SNTG1: variants seen among roughly 807,000 people sequenced by gnomAD.
SNTG1 encodes gamma-1-syntrophin.
Under a neutral mutation model 74.7 loss-of-function variants are expected in SNTG1, and 39 were observed. That is an observed-to-expected ratio of 0.52 (90% CI 0.40 to 0.68). The LOEUF is 0.68. SNTG1 is among the 30% of genes least tolerant of loss of function. The pLI is 0.00. For missense variants in SNTG1, 685 were observed against 609.5 expected, an observed-to-expected ratio of 1.12 and a Z score of -1.30; for synonymous variants, 254 against 217.1, an observed-to-expected ratio of 1.17 and a Z score of -1.49.
chr8:50,080,688 T>A (rs1040716701), intron 1 of SNTG1, among the ~76,000 whole-genome samples: 9 of 152,182 alleles, frequency 5.9e-5, no homozygotes, highest in Non-Finnish European at 1.5e-5. Context: ...TTTTAAACTT[T>A]TTGGGTTACA....
chr8:50,088,892 T>C (rs948998489), intron 1 of SNTG1, among the ~76,000 whole-genome samples: 12 of 149,316 alleles, frequency 8.0e-5, no homozygotes, highest in African/African-American at 2.2e-4. Context: ...CTTCACAGAA[T>C]TGGAAAAAAC....
chr8:50,408,048 C>CCA (rs1177985532), intron 4 of SNTG1, among the ~76,000 whole-genome samples: 2 of 152,150 alleles, frequency 1.3e-5, no homozygotes, highest in Admixed American at 6.6e-5. Flanking sequence ...AATCTTCAGA[C>CCA]CACTGGCTAT....
Position 50,718,246 on chromosome 8 carries a change from C to T in SNTG1, c.1284+9268C>T, listed in dbSNP as rs1035049634. Among the ~76,000 whole-genome samples the T allele has an allele frequency of 2.0e-5, 3 of 152,120 alleles. No individual in the cohort carries two copies. The South Asian group carries it at 6.2e-4, about 32-fold the overall frequency. ...CAAGTGTGAAATCCCTGAGACTTGA[C>T]AGAACACTGACAGAGGAGGAGGAAA... On this transcript the variant is annotated intron_variant, in intron 17 of 18. Coordinates refer to ENST00000642720, the MANE Select transcript of SNTG1 (RefSeq NM_018967.5).
At chr8:50,063,799 C>T (rs1178477323) in intron 1 of SNTG1, among the ~76,000 whole-genome samples, 1 of 151,876 alleles carries the variant, frequency 6.6e-6, no homozygotes, top group African/African-American at 2.4e-5. Context: ...TTAACTTTCA[C>T]AAAGTAAAGG....
intron 8 of SNTG1, among the ~76,000 whole-genome samples, chr8:50,452,952 T>TA (rs1158832452): frequency 6.6e-6 from 1 of 152,214 alleles, no homozygotes. Flanking sequence ...CATGCTGATG[T>TA]ACCACATTTC....
At chr8:50,596,280 C>A (rs2094726550) in intron 13 of SNTG1, among the ~76,000 whole-genome samples, 1 of 151,908 alleles carries the variant, frequency 6.6e-6, no homozygotes, top group African/African-American at 2.4e-5. Context: ...AAATGTTGCC[C>A]AAGGACAGAA....
chr8:50,669,755 C>A (rs1424464041), intron 15 of SNTG1, among the ~76,000 whole-genome samples: 8 of 152,132 alleles, frequency 5.3e-5, no homozygotes, highest in Non-Finnish European at 1.5e-5. Context: ...GAATTTTAGA[C>A]TAATATCCTT....
At position 50,199,086 on chromosome 8, in the gene SNTG1, C is replaced by T. The variant is rs185398354; in HGVS notation, c.-28+26451C>T. Among the ~76,000 whole-genome samples the T allele has an allele frequency of 1.4e-3, 206 of 152,076 alleles. No homozygotes were observed. In the Middle Eastern group the frequency reaches 0.021, roughly 15 times the overall value. Reference sequence around the variant, plus strand: ...TGGAATGCATTCTCTGGGATGAAGACGGTGGAAGATAGTTTCTTCTATTCT... The same window carrying T: ...TGGAATGCATTCTCTGGGATGAAGATGGTGGAAGATAGTTTCTTCTATTCT... On this transcript the variant is annotated intron_variant, in intron 2 of 18. Coordinates refer to ENST00000642720, the MANE Select transcript of SNTG1 (RefSeq NM_018967.5).
intron 1 of SNTG1, among the ~76,000 whole-genome samples, chr8:50,051,271 A>C (rs77080028): frequency 1.3e-3 from 90 of 68,190 alleles, no homozygotes; most frequent in South Asian, 6.3e-3. Flanking sequence ...CACACACACA[A>C]ACAAACAAGA....
At chr8:50,135,610 T>A (rs944416648) in intron 1 of SNTG1, among the ~76,000 whole-genome samples, 1 of 152,110 alleles carries the variant, frequency 6.6e-6, no homozygotes, top group Non-Finnish European at 1.5e-5. Context: ...TTCATGATTT[T>A]GGGGGACTTT....
chr8:50,573,567 G>A (rs139032214), intron 12 of SNTG1, among the ~76,000 whole-genome samples: 22 of 151,812 alleles, frequency 1.4e-4, no homozygotes, highest in Admixed American at 3.9e-4. Flanking sequence ...AATGTTGTCC[G>A]TAATATCTAA....
chr8:50,750,750 G>A (rs571817979), intron 17 of SNTG1, among the ~76,000 whole-genome samples: 4 of 152,026 alleles, frequency 2.6e-5, no homozygotes, highest in African/African-American at 9.6e-5. Context: ...TAGGCTTAAT[G>A]TCATTGTACA....
At chr8:50,567,747 A>G (rs566201382) in intron 12 of SNTG1, among the ~76,000 whole-genome samples, 1 of 152,278 alleles carries the variant, frequency 6.6e-6, no homozygotes, top group Non-Finnish European at 1.5e-5. Flanking sequence ...GTACATTTTA[A>G]TGGGGTACAT....
At chr8:50,380,604 A>G (rs1019611516) in intron 2 of SNTG1, among the ~76,000 whole-genome samples, 3 of 152,214 alleles carry the variant, frequency 2.0e-5, no homozygotes, top group African/African-American at 4.8e-5. Context: ...TCTGTTTTAC[A>G]TAACTACTTA....
At chr8:50,552,759 A>G (rs2094434448) in intron 11 of SNTG1, among the ~76,000 whole-genome samples, 1 of 152,184 alleles carries the variant, frequency 6.6e-6, no homozygotes, top group Non-Finnish European at 1.5e-5. Context: ...TGCATCTAAA[A>G]TTTCTTAGAT....
intron 2 of SNTG1, among the ~76,000 whole-genome samples, chr8:50,297,998 C>T (rs1415250987): frequency 6.8e-6 from 1 of 146,784 alleles, no homozygotes; most frequent in African/African-American, 2.5e-5. Context: ...AGGAAGAAGA[C>T]AGAAACACAT....
intron 15 of SNTG1, among the ~76,000 whole-genome samples, chr8:50,664,760 G>A (rs893700894): frequency 2.0e-5 from 3 of 152,114 alleles, no homozygotes; most frequent in South Asian, 2.1e-4. Context: ...AAGATCGGAC[G>A]TAACTGCATG....
intron 1 of SNTG1, among the ~76,000 whole-genome samples, chr8:50,097,700 A>G (rs1223112718): frequency 1.3e-5 from 2 of 152,254 alleles, no homozygotes; most frequent in Non-Finnish European, 1.5e-5. Context: ...AGTATAGTGT[A>G]TACTTTATGT....
At chr8:49,940,549 C>G (rs531192643) in intron 1 of SNTG1, among the ~76,000 whole-genome samples, 3 of 152,232 alleles carry the variant, frequency 2.0e-5, no homozygotes, top group African/African-American at 7.2e-5. Context: ...ACTTTCATAA[C>G]ATTTGGCTTC....
Sources: allele counts gnomAD v4.1 joint callset (sites outside exome capture counted in the v4.1 genomes callset), GRCh38; gene constraint gnomAD v4.1.1; transcripts MANE v1.5; gene names NCBI Gene and HGNC (gene_info 2026-07-23, HGNC 2026-07-21).